FHIP1A: variants seen among roughly 807,000 people sequenced by gnomAD.
FHIP1A encodes FHF complex subunit HOOK-interacting protein 1A.
Under a neutral mutation model 88.6 loss-of-function variants are expected in FHIP1A, and 61 were observed. The observed-to-expected ratio is 0.69, with a 90% CI of 0.56 to 0.85. The LOEUF (loss-of-function observed/expected upper bound fraction) is 0.85, where lower values mean the gene tolerates loss of function less well. FHIP1A is among the 40% of genes least tolerant of loss of function. The pLI is 0.00. For missense variants in FHIP1A, 1,154 were observed against 1,273.5 expected, an observed-to-expected ratio of 0.91 and a Z score of 1.43; for synonymous variants, 478 against 496.0, an observed-to-expected ratio of 0.96 and a Z score of 0.48.
intron 2 of FHIP1A, among the ~76,000 whole-genome samples, chr4:151,474,042 A>G (rs1283495953): frequency 1.3e-5 from 2 of 152,222 alleles, no homozygotes; most frequent in East Asian, 3.9e-4. Flanking sequence ...GCAGTTGAAT[A>G]TATTTTCCAT....
chr4:151,543,233 A>G (rs931165756), intron 3 of FHIP1A, among the ~76,000 whole-genome samples: 2 of 152,166 alleles, frequency 1.3e-5, no homozygotes, highest in African/African-American at 4.8e-5. Flanking sequence ...AACCTAGGAA[A>G]TCCAGCTCTA....
intron 1 of FHIP1A, among the ~76,000 whole-genome samples, chr4:151,441,129 C>A (rs1221458696): frequency 6.6e-6 from 1 of 152,070 alleles, no homozygotes; most frequent in Non-Finnish European, 1.5e-5. Flanking sequence ...TCCTGCTTTC[C>A]TCACTTATGA....
chr4:151,633,751 C>T (rs1476962391), intron 8 of FHIP1A, among the ~76,000 whole-genome samples: 3 of 151,946 alleles, frequency 2.0e-5, no homozygotes, highest in Admixed American at 6.6e-5. Context: ...ACAAATTCCA[C>T]ACCCTTTCAT....
chr4:151,530,802 T>C (rs1387397385), intron 3 of FHIP1A, among the ~76,000 whole-genome samples: 1 of 152,192 alleles, frequency 6.6e-6, no homozygotes, highest in Non-Finnish European at 1.5e-5. Flanking sequence ...TGGGTGACCT[T>C]TGGCAAGTTA....
chr4:151,458,918 C>T (rs1368048623), intron 2 of FHIP1A, among the ~76,000 whole-genome samples: 5 of 151,812 alleles, frequency 3.3e-5, no homozygotes, highest in African/African-American at 4.8e-5. Context: ...AAAGTATCCT[C>T]ACAAACTCTT....
intron 3 of FHIP1A, among the ~76,000 whole-genome samples, chr4:151,555,623 A>G (rs1453459632): frequency 1.3e-5 from 2 of 152,192 alleles, no homozygotes; most frequent in Non-Finnish European, 1.5e-5. Context: ...AGCAAATTAA[A>G]TTATGAGAAA....
chr4:151,576,097 T>C (rs1013316961), intron 4 of FHIP1A, among the ~76,000 whole-genome samples: 1 of 152,202 alleles, frequency 6.6e-6, no homozygotes, highest in African/African-American at 2.4e-5. Flanking sequence ...TGAAGTTAAA[T>C]GGAAGTTGAG....
chr4:151,533,983 G>T (rs1323354973), intron 3 of FHIP1A, among the ~76,000 whole-genome samples: 1 of 152,204 alleles, frequency 6.6e-6, no homozygotes, highest in Non-Finnish European at 1.5e-5. Context: ...CTGCTTTAGA[G>T]AATTATTATT....
At chr4:151,648,287 A>T (rs1736870997) in intron 10 of FHIP1A, among the ~76,000 whole-genome samples, 1 of 152,216 alleles carries the variant, frequency 6.6e-6, no homozygotes, top group Non-Finnish European at 1.5e-5. Context: ...AAGCAAGTGA[A>T]GACATGTAAA....
chr4:151,417,787 T>C (rs1367050916), intron 1 of FHIP1A, among the ~76,000 whole-genome samples: 1 of 152,202 alleles, frequency 6.6e-6, no homozygotes. Context: ...ATTTGATAAG[T>C]TGAATTTTTA....
chr4:151,440,489 A>G (rs767853290), intron 1 of FHIP1A, among the ~76,000 whole-genome samples: 4 of 152,178 alleles, frequency 2.6e-5, no homozygotes, highest in Non-Finnish European at 4.4e-5. Context: ...TGAAGCAACT[A>G]TCTTTCATGA....
chr4:151,628,603 T>G (rs1307606993), intron 7 of FHIP1A, among the ~76,000 whole-genome samples: 1 of 152,170 alleles, frequency 6.6e-6, no homozygotes, highest in Non-Finnish European at 1.5e-5. Context: ...GAAAGAAGAT[T>G]TTAAAAAATG....
chr4:151,492,395 C>T (rs1370078060), intron 3 of FHIP1A, among the ~76,000 whole-genome samples: 3 of 151,930 alleles, frequency 2.0e-5, no homozygotes, highest in African/African-American at 4.8e-5. Flanking sequence ...AGTTCGATAA[C>T]AGCCTGATCA....
chr4:151,483,126 G>A (rs1427668082), intron 3 of FHIP1A, among the ~76,000 whole-genome samples: 2 of 151,960 alleles, frequency 1.3e-5, no homozygotes, highest in African/African-American at 4.8e-5. Context: ...TAATTGTTCA[G>A]GCTTCATAAT....
intron 1 of FHIP1A, among the ~76,000 whole-genome samples, chr4:151,445,726 G>A (rs567937190): frequency 2.0e-5 from 3 of 151,386 alleles, no homozygotes; most frequent in Admixed American, 6.6e-5. Context: ...AAATACATGA[G>A]CACCTTTAGT....
intron 3 of FHIP1A, among the ~76,000 whole-genome samples, chr4:151,506,940 T>C (rs924925133): frequency 3.9e-5 from 6 of 152,168 alleles, no homozygotes; most frequent in Non-Finnish European, 8.8e-5. Context: ...GGACAGGTCT[T>C]CCCATTTCAA....
intron 5 of FHIP1A, among the ~76,000 whole-genome samples, chr4:151,579,571 T>C (rs1215181972): frequency 6.6e-6 from 1 of 152,202 alleles, no homozygotes; most frequent in African/African-American, 2.4e-5. Flanking sequence ...ACTTGATCAG[T>C]ATGCAAAAGG....
At chr4:151,464,114 C>T (rs1283606117) in intron 2 of FHIP1A, among the ~76,000 whole-genome samples, 1 of 152,132 alleles carries the variant, frequency 6.6e-6, no homozygotes, top group African/African-American at 2.4e-5. Context: ...TGAACTCCCA[C>T]TCCTGGGCTC....
At chr4:151,441,681 C>T (rs962273407) in intron 1 of FHIP1A, among the ~76,000 whole-genome samples, 11 of 152,126 alleles carry the variant, frequency 7.2e-5, no homozygotes, top group African/African-American at 1.9e-4. Context: ...TCTGGTTATC[C>T]AGCCAGGAGA....
Sources: allele counts gnomAD v4.1 joint callset (sites outside exome capture counted in the v4.1 genomes callset), GRCh38; gene constraint gnomAD v4.1.1; transcripts MANE v1.5; gene names NCBI Gene and HGNC (gene_info 2026-07-23, HGNC 2026-07-21).